The following SDK2 variants were observed in gnomAD, a reference collection of about 807,000 sequenced individuals.
The protein encoded by SDK2 is protein sidekick-2.
A neutral mutation model predicts 253.9 loss-of-function variants in SDK2; 105 were observed. The ratio of observed to expected loss-of-function variants is 0.41; its 90% CI spans 0.35 to 0.49. SDK2 has a LOEUF of 0.49. Among genes scored for constraint, SDK2 ranks in the 20% least tolerant of loss-of-function variants. The pLI, the probability that SDK2 is intolerant of heterozygous loss-of-function variation, is 0.06. For missense variants in SDK2, 2,608 were observed against 3,003.0 expected (o/e 0.87, Z 3.07); for synonymous variants, 1,249 against 1,234.9 (o/e 1.01, Z -0.24).
At chr17:73,376,660 G>C (rs73345926) in intron 36 of SDK2, among the ~76,000 whole-genome samples, 5,038 of 151,976 alleles carry the variant, frequency 0.033, 283 homozygotes, top group African/African-American at 0.12. Flanking sequence ...CATTTTCCTG[G>C]GTCTGTCTAT....
At chr17:73,620,716 G>A (rs543191491) in intron 1 of SDK2, among the ~76,000 whole-genome samples, 1 of 152,306 alleles carries the variant, frequency 6.6e-6, no homozygotes, top group South Asian at 2.1e-4. Context: ...GCTTCAACAC[G>A]GATGGACCTT....
In SDK2 at chr17:73,431,418, G is replaced by A. The variant is rs535747861; in HGVS notation, c.1480+84C>T. On this transcript the variant is annotated intron_variant, in intron 11 of 44. Coordinates refer to ENST00000392650, the MANE Select transcript of SDK2 (RefSeq NM_001144952.2). The surrounding 1 kb of genome is among the most constrained non-coding windows in gnomAD (Gnocchi z 5.6). ...CACTGGTGGTATGAGCCTGTGCCCC[G>A]TAGCTGTCCTGAGTCCTCAGCACCT... The A allele has an allele frequency of 1.6e-5, 22 of 1,356,706 alleles. No individual in the cohort carries two copies. Among genetic ancestry groups the A allele is most frequent in the East Asian group, 5.0e-5 (2 of 40,376 alleles). 84.0% of individuals were successfully genotyped at this position (1,356,706 alleles called of 1,614,324 possible). A position where few individuals can be genotyped will look rare whatever the true frequency, so the allele number is the denominator to read the frequency against.
At chr17:73,543,139 G>A (rs978666898) in intron 1 of SDK2, among the ~76,000 whole-genome samples, 3 of 152,176 alleles carry the variant, frequency 2.0e-5, no homozygotes, top group Non-Finnish European at 2.9e-5. Context: ...TTATGAATAG[G>A]GATGAGTGAC....
chr17:73,548,765 C>T (rs531014431), intron 1 of SDK2, among the ~76,000 whole-genome samples: 23 of 152,362 alleles, frequency 1.5e-4, no homozygotes, highest in Non-Finnish European at 2.9e-4. Flanking sequence ...AATCAGGCTT[C>T]TCTCTCACCA....
rs1473295866 is a variant in SDK2 at position 73,627,877 on chromosome 17, G to A, written c.64+16148C>T. Among the ~76,000 whole-genome samples, 6 of 152,164 alleles carry A rather than the reference G, an allele frequency of 3.9e-5. No homozygotes were observed. The South Asian group carries it at 8.3e-4, about 21-fold the overall frequency. On this transcript the variant is annotated intron_variant, in intron 1 of 44. Transcript: ENST00000392650. The stretch of plus-strand genomic sequence containing the variant: ...ATCCTGGCTAACACGGTGAAACCCC[G>A]TCTCCACTACAAATACAAAAAAAAA...
chr17:73,470,574 C>T (rs2063642578), intron 3 of SDK2, among the ~76,000 whole-genome samples: 1 of 152,258 alleles, frequency 6.6e-6, no homozygotes, highest in African/African-American at 2.4e-5. Flanking sequence ...CACTTTAATT[C>T]AGGGCTTTTT....
In SDK2 at chr17:73,435,080, C is replaced by T. The variant is rs2063356618; in HGVS notation, c.1195+370G>A. Among the ~76,000 whole-genome samples the T allele has an allele frequency of 6.6e-6, 1 of 152,148 alleles. No homozygotes were observed. Among genetic ancestry groups the T allele is most frequent in the African/African-American group, 2.4e-5 (1 of 41,434 alleles). On this transcript the variant is annotated intron_variant, in intron 9 of 44. Coordinates refer to ENST00000392650, the MANE Select transcript of SDK2 (RefSeq NM_001144952.2). The surrounding 1 kb of genome is among the most constrained non-coding windows in gnomAD (Gnocchi z 5.7). ...CAGTTTTCTTCTTTGGAAACATGAG[C>T]AGGTCTTCTGGAATGGGGTTACTCC...
intron 40 of SDK2, among the ~76,000 whole-genome samples, chr17:73,355,175 T>TATATATATATATATATATA (rs1555750470): frequency 1.9e-4 from 3 of 15,684 alleles, no homozygotes; most frequent in African/African-American, 5.0e-4. Context: ...TATATATATA[T>TATATATATATATATATATA]TTTTTTTTTT....
chr17:73,367,020 T>G (rs2062690752), intron 37 of SDK2, among the ~76,000 whole-genome samples: 1 of 152,188 alleles, frequency 6.6e-6, no homozygotes. Flanking sequence ...TTTTTATTTT[T>G]TAAGACAGAT....
At chr17:73,358,029 G>A (rs7216718) in intron 40 of SDK2, 50 bp downstream of exon 40, 28,245 of 1,610,748 alleles carry the variant, frequency 0.018, 974 homozygotes, top group African/African-American at 0.13. Context: ...GACCCAGGAA[G>A]AAGGGAGATA....
rs562718484 is a variant in SDK2, at chr17:73,352,113, C to T, written c.5758+360G>A. On this transcript the variant is annotated intron_variant, in intron 41 of 44. Transcript: ENST00000392650. This position sits in a 1 kb window ranked among gnomAD's most constrained non-coding sequence, Gnocchi z 4.1. The stretch of plus-strand genomic sequence containing the variant: ...GCTCTGCAGGCTGCTGACCCTGCCA[C>T]GTTGGGGCTGGAGGTTTCCATGGAA... 3.3e-5 allele frequency among the ~76,000 whole-genome samples: 5 copies of T among 152,174 alleles called. No individual in the cohort carries two copies. The highest frequency in any genetic ancestry group is 4.2e-4 in the South Asian group (2 of 4,816).
At chr17:73,531,031 CGCCTTTCCTTCCCT>C (rs2064165553) in intron 1 of SDK2, among the ~76,000 whole-genome samples, 1 of 152,130 alleles carries the variant, frequency 6.6e-6, no homozygotes, top group Non-Finnish European at 1.5e-5. Context: ...CTCCTTTTCC[CGCCTTTCCTTCCCT>C]GCCTTCCTCC....
chr17:73,420,677 TTTC>T (rs2063222002), intron 15 of SDK2, among the ~76,000 whole-genome samples: 1 of 151,232 alleles, frequency 6.6e-6, no homozygotes, highest in Non-Finnish European at 1.5e-5. Context: ...ATTTGGCCTT[TTTC>T]TTTTTTGTTT....
At chr17:73,588,667 C>T (rs910042265) in intron 1 of SDK2, among the ~76,000 whole-genome samples, 1 of 152,126 alleles carries the variant, frequency 6.6e-6, no homozygotes, top group Non-Finnish European at 1.5e-5. Context: ...TGAAATACCC[C>T]GCAGTGCTCA....
At chr17:73,634,699 C>G (rs1003710118) in intron 1 of SDK2, among the ~76,000 whole-genome samples, 8 of 152,216 alleles carry the variant, frequency 5.3e-5, no homozygotes, top group African/African-American at 1.9e-4. Flanking sequence ...GCTGTCGGGG[C>G]AGGGGCACCT....
intron 30 of SDK2, among the ~76,000 whole-genome samples, 160 bp downstream of exon 30, chr17:73,387,676 G>T (rs1436913624): frequency 6.6e-6 from 1 of 152,218 alleles, no homozygotes; most frequent in Non-Finnish European, 1.5e-5. Context: ...GATTTGCGAG[G>T]GTGAGAGTGG....
chr17:73,619,670 T>C (rs1201810681), intron 1 of SDK2, among the ~76,000 whole-genome samples: 1 of 152,194 alleles, frequency 6.6e-6, no homozygotes, highest in East Asian at 1.9e-4. Context: ...CTTAAAATCC[T>C]TGGATTTTGC....
intron 24 of SDK2, among the ~76,000 whole-genome samples, chr17:73,396,088 A>G (rs1465599106): frequency 2.6e-5 from 4 of 152,084 alleles, no homozygotes; most frequent in Non-Finnish European, 5.9e-5. Context: ...AGGTTTCGCC[A>G]TGTTGATCTC....
intron 8 of SDK2, among the ~76,000 whole-genome samples, chr17:73,437,294 C>T (rs150389492): frequency 0.011 from 1,646 of 152,244 alleles, 14 homozygotes; most frequent in Non-Finnish European, 0.018. Flanking sequence ...TCCAGGAACT[C>T]TTTCAAGGGG....
Sources: gnomAD v4.1 joint callset for allele counts (sites outside exome capture counted in the v4.1 genomes callset) on GRCh38, gnomAD v4.1.1 for gene constraint, Gnocchi (gnomAD v3.1) non-coding constraint, MANE v1.5 for transcripts, NCBI Gene and HGNC (gene_info 2026-07-23, HGNC 2026-07-21) for gene names.